NRG3: variants seen among roughly 807,000 people sequenced by gnomAD.
NRG3 encodes neuregulin 3, also known as pro-neuregulin-3, membrane-bound isoform.
Under a neutral mutation model 66.9 loss-of-function variants are expected in NRG3, and 31 were observed. The observed-to-expected ratio is 0.46, with a 90% CI of 0.35 to 0.63. The LOEUF (loss-of-function observed/expected upper bound fraction) is 0.63, where lower values mean the gene tolerates loss of function less well. Among genes scored for constraint, NRG3 ranks in the 20% least tolerant of loss-of-function variants. NRG3 has a pLI of 0.00. For synonymous variants in NRG3, 393 were observed against 359.4 expected (o/e 1.09, Z -1.06); for missense variants, 910 against 878.9 (o/e 1.04, Z -0.45).
intron 3 of NRG3, among the ~76,000 whole-genome samples, chr10:82,801,026 TA>T (rs2061012110): frequency 6.6e-6 from 1 of 152,170 alleles, no homozygotes; most frequent in African/African-American, 2.4e-5. Flanking sequence ...GTTATGAAAG[TA>T]AATGAGTATT....
chr10:82,954,204 A>G (rs1262994710), intron 5 of NRG3, among the ~76,000 whole-genome samples: 6 of 151,982 alleles, frequency 3.9e-5, no homozygotes, highest in Non-Finnish European at 8.8e-5. Flanking sequence ...TTACTTAACA[A>G]TAACCAAATT....
intron 1 of NRG3, among the ~76,000 whole-genome samples, chr10:81,995,094 C>A (rs377686228): frequency 6.6e-5 from 10 of 152,216 alleles, no homozygotes; most frequent in East Asian, 5.8e-4. Flanking sequence ...AGATGAATTC[C>A]TGCAGTTTTC....
At chr10:82,837,396 C>G (rs764036616) in intron 3 of NRG3, among the ~76,000 whole-genome samples, 49 of 152,000 alleles carry the variant, frequency 3.2e-4, no homozygotes, top group Non-Finnish European at 6.0e-4. Flanking sequence ...CTTATTTGTG[C>G]TAAGTTTTGA....
chr10:82,122,053 T>C (rs1232513250), intron 1 of NRG3, among the ~76,000 whole-genome samples: 1 of 152,170 alleles, frequency 6.6e-6, no homozygotes, highest in East Asian at 1.9e-4. Context: ...CTCAAGGTCA[T>C]ACTGTGGTTC....
intron 1 of NRG3, among the ~76,000 whole-genome samples, chr10:82,216,460 A>ATATGTGTGTGTG (rs1554851844): frequency 1.4e-5 from 2 of 146,330 alleles, no homozygotes; most frequent in Non-Finnish European, 3.0e-5. Context: ...TTTTATATAT[A>ATATGTGTGTGTG]TGTGTGTGTG....
At chr10:82,193,473 G>A (rs775849659) in intron 1 of NRG3, among the ~76,000 whole-genome samples, 30 of 150,790 alleles carry the variant, frequency 2.0e-4, no homozygotes, top group Non-Finnish European at 4.0e-4. Flanking sequence ...AGTCTATTCT[G>A]ACTGTTGTAT....
chr10:82,680,973 G>A (rs1323862539), intron 2 of NRG3, among the ~76,000 whole-genome samples: 2 of 152,212 alleles, frequency 1.3e-5, no homozygotes, highest in African/African-American at 2.4e-5. Context: ...CACAGGGCAG[G>A]TTTACTTCTT....
intron 1 of NRG3, among the ~76,000 whole-genome samples, chr10:82,177,732 T>A (rs1383760878): frequency 2.6e-5 from 4 of 152,146 alleles, no homozygotes; most frequent in Non-Finnish European, 5.9e-5. Context: ...CGCCACCACA[T>A]CCAGCTAATA....
chr10:82,961,821 C>G (rs902395688), intron 6 of NRG3, among the ~76,000 whole-genome samples: 2 of 152,128 alleles, frequency 1.3e-5, no homozygotes, highest in African/African-American at 2.4e-5. Flanking sequence ...AGCTTCCCAC[C>G]GCAGGCATTT....
chr10:82,931,539 G>A (rs1232467209), intron 4 of NRG3, among the ~76,000 whole-genome samples: 1 of 152,048 alleles, frequency 6.6e-6, no homozygotes. Flanking sequence ...ATTCAATAGT[G>A]GAAATTCCTA....
chr10:82,498,051 T>A (rs1843779013), intron 2 of NRG3, among the ~76,000 whole-genome samples: 1 of 152,128 alleles, frequency 6.6e-6, no homozygotes, highest in Non-Finnish European at 1.5e-5. Flanking sequence ...AAAAAATGTC[T>A]GTTCAGGTTC....
chr10:82,640,806 G>T (rs1202829591), intron 2 of NRG3, among the ~76,000 whole-genome samples: 1 of 151,962 alleles, frequency 6.6e-6, no homozygotes, highest in Non-Finnish European at 1.5e-5. Context: ...GATAAATAAG[G>T]TGCATTATTA....
chr10:81,964,203 C>G (rs533918436), intron 1 of NRG3, among the ~76,000 whole-genome samples: 1 of 151,830 alleles, frequency 6.6e-6, no homozygotes, highest in East Asian at 1.9e-4. Flanking sequence ...GAATCATATT[C>G]TATATATTGT....
intron 2 of NRG3, among the ~76,000 whole-genome samples, chr10:82,730,698 A>C (rs573175382): frequency 6.6e-6 from 1 of 152,324 alleles, no homozygotes; most frequent in African/African-American, 2.4e-5. Flanking sequence ...TTTTTAAATA[A>C]GAATTATTAA....
intron 1 of NRG3, among the ~76,000 whole-genome samples, chr10:81,972,670 A>G (rs1347882079): frequency 6.6e-6 from 1 of 152,202 alleles, no homozygotes; most frequent in Non-Finnish European, 1.5e-5. Flanking sequence ...TGAATGGGAC[A>G]TTAGTGATCT....
chr10:82,449,627 G>A (rs1202797852), intron 2 of NRG3, among the ~76,000 whole-genome samples: 3 of 152,110 alleles, frequency 2.0e-5, no homozygotes, highest in African/African-American at 7.2e-5. Flanking sequence ...CTACTAAGAT[G>A]AACTTAAATG....
chr10:82,827,938 A>G (rs1466995295), intron 3 of NRG3, among the ~76,000 whole-genome samples: 1 of 152,116 alleles, frequency 6.6e-6, no homozygotes, highest in Non-Finnish European at 1.5e-5. Flanking sequence ...TTTTCTTTGA[A>G]CTTTTTTTAA....
At position 82,583,036 on chromosome 10, in the gene NRG3, G is replaced by T. The variant is rs866430590; in HGVS notation, c.954-155541G>T. Among the ~76,000 whole-genome samples the T allele has an allele frequency of 7.2e-5, 11 of 152,220 alleles. No individual in the cohort carries two copies. In the Middle Eastern group the frequency reaches 0.01, roughly 141 times the overall value. On this transcript the variant is annotated intron_variant, in intron 2 of 8. Transcript: ENST00000372141. ...CAGATAAGGAATTGAAATATGAGCT[G>T]CATATCAAATTCTGAATTTAGGCAG... is the stretch of plus-strand genomic sequence containing the variant.
intron 1 of NRG3, among the ~76,000 whole-genome samples, chr10:81,984,473 C>T (rs965826348): frequency 3.9e-5 from 6 of 152,140 alleles, no homozygotes; most frequent in Middle Eastern, 3.2e-3. Context: ...CAAATGGTAT[C>T]TCTGTTTTCA....
Sources: gnomAD v4.1 joint callset for allele counts (sites outside exome capture counted in the v4.1 genomes callset) on GRCh38, gnomAD v4.1.1 for gene constraint, MANE v1.5 for transcripts, NCBI Gene and HGNC (gene_info 2026-07-23, HGNC 2026-07-21) for gene names.